The following ZNF277 variants were observed in gnomAD, a reference collection of about 807,000 sequenced individuals.
The protein encoded by ZNF277 is zinc finger protein 277, also known as nuclear receptor-interacting factor 4.
Under a neutral mutation model 60.7 loss-of-function variants are expected in ZNF277, and 55 were observed. The ratio of observed to expected loss-of-function variants is 0.91; its 90% CI spans 0.73 to 1.13. ZNF277 has a LOEUF of 1.13. Ranked by LOEUF, ZNF277 falls within the 50% of genes most tolerant of loss-of-function variation. The pLI is 0.00. For missense variants in ZNF277, 510 were observed against 523.0 expected, an observed-to-expected ratio of 0.98 and a Z score of 0.24; for synonymous variants, 178 against 179.3, an observed-to-expected ratio of 0.99 and a Z score of 0.06.
chr7:112,279,184 T>C (rs1012175603), intron 1 of ZNF277, among the ~76,000 whole-genome samples: 8 of 152,248 alleles, frequency 5.3e-5, no homozygotes, highest in African/African-American at 4.8e-5. Context: ...CTTTGAGATC[T>C]TGTTTTCAAT....
At position 112,342,766 on chromosome 7, in the gene ZNF277, C is replaced by T; in HGVS notation, c.*37C>T. On this transcript the variant is annotated 3_prime_UTR_variant, in exon 12 of 12. Coordinates refer to ENST00000361822, the MANE Select transcript of ZNF277 (RefSeq NM_021994.3). ...AACCTAGAAGAAACTACCACAGAAG[C>T]AATTTTTCATGTTTTTCTCCTATGA... 1 of 1,429,512 alleles carries T rather than the reference C, an allele frequency of 7.0e-7. No individual in the cohort carries two copies. The highest frequency in any genetic ancestry group is 9.2e-7 in the Non-Finnish European group (1 of 1,083,192). 88.6% of individuals were successfully genotyped at this position (1,429,512 alleles called of 1,614,324 possible).
intron 1 of ZNF277, among the ~76,000 whole-genome samples, chr7:112,209,247 T>TATTA (rs1821672411): frequency 6.6e-6 from 1 of 152,202 alleles, no homozygotes; most frequent in Non-Finnish European, 1.5e-5. Context: ...TGCCCACTGG[T>TATTA]TGTATATTTT....
intron 2 of ZNF277, among the ~76,000 whole-genome samples, chr7:112,290,460 TC>T (rs1792182008): frequency 6.6e-6 from 1 of 152,204 alleles, no homozygotes; most frequent in Non-Finnish European, 1.5e-5. Context: ...CTGGGATTAT[TC>T]ATGCTCTAAA....
At chr7:112,229,216 C>T (rs117527715) in intron 1 of ZNF277, among the ~76,000 whole-genome samples, 61 of 152,228 alleles carry the variant, frequency 4.0e-4, no homozygotes, top group South Asian at 4.1e-4. Context: ...GGATGGAGAA[C>T]ATGTTTGTTT....
intron 4 of ZNF277, among the ~76,000 whole-genome samples, chr7:112,304,482 T>C (rs1792547851): frequency 1.3e-5 from 2 of 152,138 alleles, no homozygotes; most frequent in Admixed American, 1.3e-4. Context: ...TATAGGCAGA[T>C]TCCATTCTGA....
intron 1 of ZNF277, among the ~76,000 whole-genome samples, chr7:112,234,858 A>T (rs898534861): frequency 2.0e-5 from 3 of 151,922 alleles, no homozygotes; most frequent in Admixed American, 6.6e-5. Flanking sequence ...AGCATCTTAT[A>T]TATAAGAGCC....
chr7:112,220,988 G>A (rs11762497), intron 1 of ZNF277, among the ~76,000 whole-genome samples: 20,195 of 151,958 alleles, frequency 0.13, 1,420 homozygotes, highest in East Asian at 0.16. Flanking sequence ...CTTCTGGTCC[G>A]TGTTTGTTAC....
chr7:112,317,174 T>C (rs530514087), intron 4 of ZNF277, among the ~76,000 whole-genome samples: 4 of 152,060 alleles, frequency 2.6e-5, no homozygotes, highest in African/African-American at 7.2e-5. Context: ...AGGGAAGGGA[T>C]AATATTAGGA....
chr7:112,215,405 T>C (rs1162489383), intron 1 of ZNF277, among the ~76,000 whole-genome samples: 1 of 152,164 alleles, frequency 6.6e-6, no homozygotes, highest in East Asian at 1.9e-4. Context: ...TGTGATGGCA[T>C]TTGGTGGTGT....
intron 1 of ZNF277, among the ~76,000 whole-genome samples, chr7:112,243,578 A>G (rs1417936319): frequency 2.0e-5 from 3 of 151,970 alleles, no homozygotes; most frequent in Non-Finnish European, 2.9e-5. Context: ...TATGAAAAAA[A>G]AAATGTTCTC....
chr7:112,274,504 A>G (rs1791748902), intron 1 of ZNF277, among the ~76,000 whole-genome samples: 1 of 152,164 alleles, frequency 6.6e-6, no homozygotes, highest in Non-Finnish European at 1.5e-5. Flanking sequence ...TATCTGTTCC[A>G]TAAAAACAAA....
At chr7:112,319,819 C>G (rs1279462801) in intron 5 of ZNF277, among the ~76,000 whole-genome samples, 1 of 151,664 alleles carries the variant, frequency 6.6e-6, no homozygotes, top group Non-Finnish European at 1.5e-5. Flanking sequence ...GGCCACTGAT[C>G]GTACTTCTAA....
chr7:112,251,020 C>T (rs535959169), intron 1 of ZNF277, among the ~76,000 whole-genome samples: 3 of 152,160 alleles, frequency 2.0e-5, no homozygotes, highest in African/African-American at 7.2e-5. Context: ...TAATTTCCAC[C>T]CACCTTTATT....
chr7:112,238,992 G>T (rs1051037378), intron 1 of ZNF277, among the ~76,000 whole-genome samples: 5 of 151,978 alleles, frequency 3.3e-5, no homozygotes, highest in African/African-American at 4.8e-5. Flanking sequence ...GTCTAAGCAG[G>T]ATTCATCACC....
intron 1 of ZNF277, among the ~76,000 whole-genome samples, chr7:112,282,572 A>G (rs1252714847): frequency 6.6e-6 from 1 of 152,200 alleles, no homozygotes; most frequent in Non-Finnish European, 1.5e-5. Flanking sequence ...AGAACTGTAC[A>G]TTTAACCTCT....
At chr7:112,247,625 TG>T (rs1301646639) in intron 1 of ZNF277, among the ~76,000 whole-genome samples, 2 of 152,170 alleles carry the variant, frequency 1.3e-5, no homozygotes, top group African/African-American at 2.4e-5. Context: ...TATGACTAAA[TG>T]TTTTTTTAAT....
chr7:112,318,253 T>G lies in ZNF277; in HGVS notation c.537T>G (p.Asn179Lys). 1 of 1,613,228 alleles carries G rather than the reference T, an allele frequency of 6.2e-7. No homozygotes were observed. ...TNFHGVCMFCNEEFLGNRSVI... is the reference protein window; with the variant it reads ...TNFHGVCMFCKEEFLGNRSVI... ...TTCATGGCGTTTGTATGTTTTGCAA[T>G]GAAGAATTCCTTGGAAACAGGTTTG... Residue 179 changes from asparagine to lysine, a missense_variant, in exon 5 of 12, where the codon AAT becomes AAG. Asn to Lys is a moderately conservative substitution (Grantham distance 94). Transcript: ENST00000361822.
intron 1 of ZNF277, among the ~76,000 whole-genome samples, chr7:112,248,346 A>T (rs1168989067): frequency 2.8e-5 from 4 of 144,092 alleles, no homozygotes; most frequent in East Asian, 2.0e-4. Flanking sequence ...GGTTGGTTTT[A>T]TTTTTTTTTT....
intron 4 of ZNF277, among the ~76,000 whole-genome samples, chr7:112,302,701 T>C (rs1792504954): frequency 6.6e-6 from 1 of 152,078 alleles, no homozygotes; most frequent in East Asian, 1.9e-4. Flanking sequence ...CAACAAGGAC[T>C]TAAAATTTAC....
Sources: allele counts gnomAD v4.1 joint callset (sites outside exome capture counted in the v4.1 genomes callset), GRCh38; gene constraint gnomAD v4.1.1; transcripts MANE v1.5; gene names NCBI Gene and HGNC (gene_info 2026-07-23, HGNC 2026-07-21).